The following TIAM2 variants were observed in gnomAD, a reference collection of about 807,000 sequenced individuals.
The protein encoded by TIAM2 is TIAM Rac1 associated GEF 2.
Under a neutral mutation model 152.9 loss-of-function variants are expected in TIAM2, and 80 were observed. The ratio of observed to expected loss-of-function variants is 0.52; its 90% CI spans 0.44 to 0.63. The LOEUF (loss-of-function observed/expected upper bound fraction) is 0.63, where lower values mean the gene tolerates loss of function less well. TIAM2 is among the 30% of genes least tolerant of loss of function. The probability of loss-of-function intolerance (pLI) is 0.00; values close to 1 mark genes in which losing one functional copy is unlikely to be tolerated. For synonymous variants in TIAM2, 804 were observed against 838.0 expected (o/e 0.96, Z 0.70); for missense variants, 1,965 against 2,120.1 (o/e 0.93, Z 1.44).
chr6:155,208,567 T>C (rs764229411), intron 14 of TIAM2, among the ~76,000 whole-genome samples: 18 of 152,168 alleles, frequency 1.2e-4, no homozygotes, highest in Admixed American at 7.9e-4. Context: ...TGTCTCAGAC[T>C]CAGCATTGCA....
intron 15 of TIAM2, among the ~76,000 whole-genome samples, chr6:155,236,831 C>G (rs1416126533): frequency 1.3e-5 from 2 of 152,222 alleles, no homozygotes; most frequent in Non-Finnish European, 2.9e-5. Flanking sequence ...TCATCTCCCA[C>G]TGGGCCCCTC....
chr6:155,129,247 C>T lies in TIAM2; in HGVS notation c.24C>T (p.Tyr8=), dbSNP rs763597343. 3.2e-5 allele frequency: 51 copies of T among 1,613,812 alleles called. No homozygotes were observed. The highest frequency in any genetic ancestry group is 1.4e-5 in the Non-Finnish European group (16 of 1,179,842). Reference sequence around the variant, plus strand: ...AAATGGGCAACTCCGACAGTCAGTACACCCTTCAAGGATCTAAAAATCATA... The same window carrying T: ...AAATGGGCAACTCCGACAGTCAGTATACCCTTCAAGGATCTAAAAATCATA... MGNSDSQ[Y]TLQGSKNHSN... Residue 8 remains tyrosine, a synonymous_variant, in exon 4 of 27, where the codon TAC becomes TAT. Transcript: ENST00000682666. This position sits in a 1 kb window ranked among gnomAD's most constrained non-coding sequence, Gnocchi z 4.8.
At chr6:155,190,956 C>A (rs1382906684) in intron 14 of TIAM2, among the ~76,000 whole-genome samples, 1 of 152,122 alleles carries the variant, frequency 6.6e-6, no homozygotes, top group Non-Finnish European at 1.5e-5. Context: ...AAAATGAATT[C>A]TATTTCTCAC....
rs145725090 is a variant in TIAM2, at chr6:155,057,949, A to G, written c.-208-32340A>G. 3.2e-3 allele frequency among the ~76,000 whole-genome samples: 480 copies of G among 152,214 alleles called. 2 individuals carry two copies. Among genetic ancestry groups the G allele is most frequent in the African/African-American group, 0.011 (442 of 41,524 alleles). ...TGTTCTCCATTTACTTATCTGTTCA[A>G]TCCTTAATATCAAGATGGATTCATG... On this transcript the variant is annotated intron_variant, in intron 1 of 26. Coordinates refer to ENST00000682666, the MANE Select transcript of TIAM2 (RefSeq NM_012454.4).
chr6:155,150,864 C>T (rs956813461), intron 7 of TIAM2, among the ~76,000 whole-genome samples: 9 of 152,100 alleles, frequency 5.9e-5, no homozygotes, highest in African/African-American at 9.7e-5. Flanking sequence ...TTATGACTGT[C>T]GTGCGCAGTG....
At chr6:155,003,179 C>G (rs533095029) in intron 1 of TIAM2, among the ~76,000 whole-genome samples, 1 of 152,242 alleles carries the variant, frequency 6.6e-6, no homozygotes, top group African/African-American at 2.4e-5. Flanking sequence ...TTATCAATAA[C>G]AAAGTGCTGA....
intron 1 of TIAM2, among the ~76,000 whole-genome samples, chr6:155,073,894 C>T (rs1777898013): frequency 6.6e-6 from 1 of 152,136 alleles, no homozygotes; most frequent in Non-Finnish European, 1.5e-5. Flanking sequence ...AAAGATCTTT[C>T]AGACATTGGT....
intron 1 of TIAM2, among the ~76,000 whole-genome samples, chr6:155,025,284 C>T (rs1020845953): frequency 5.3e-5 from 8 of 151,726 alleles, no homozygotes; most frequent in African/African-American, 1.5e-4. Flanking sequence ...AGCTCTGCCT[C>T]CCGGGTTCAC....
chr6:155,113,087 G>A (rs1583196671), intron 2 of TIAM2, among the ~76,000 whole-genome samples: 1 of 151,952 alleles, frequency 6.6e-6, no homozygotes, highest in Non-Finnish European at 1.5e-5. Context: ...TTTTTCTCAA[G>A]GTGAAAGCCA....
intron 14 of TIAM2, among the ~76,000 whole-genome samples, chr6:155,198,388 C>A (rs534264971): frequency 1.3e-5 from 2 of 152,146 alleles, no homozygotes; most frequent in African/African-American, 2.4e-5. Flanking sequence ...TGAGGCCGGG[C>A]GTGGTGGCTC....
chr6:155,190,074 G>A (rs988151969), intron 14 of TIAM2, among the ~76,000 whole-genome samples: 9 of 152,314 alleles, frequency 5.9e-5, no homozygotes, highest in South Asian at 2.1e-4. Flanking sequence ...ATAACGTATC[G>A]TTGCATGTAT....
intron 9 of TIAM2, among the ~76,000 whole-genome samples, chr6:155,176,273 G>T (rs940076721): frequency 5.9e-5 from 9 of 152,158 alleles, no homozygotes; most frequent in Non-Finnish European, 1.2e-4. Context: ...TTACTCTGTT[G>T]CCCAGGCTGG....
chr6:155,160,888 A>T (rs1780251859), intron 7 of TIAM2, among the ~76,000 whole-genome samples: 1 of 152,236 alleles, frequency 6.6e-6, no homozygotes, highest in Admixed American at 6.5e-5. Flanking sequence ...TTTCTACTAA[A>T]TTAAATTTTA....
chr6:155,253,642 C>T (rs1783812624), intron 24 of TIAM2: 1 of 222,094 alleles, frequency 4.5e-6, no homozygotes, highest in Non-Finnish European at 8.8e-6. Context: ...TACCCCAGCT[C>T]CTGTTCCTTC....
intron 1 of TIAM2, among the ~76,000 whole-genome samples, chr6:154,997,055 A>G (rs1201439038): frequency 1.3e-5 from 2 of 152,096 alleles, no homozygotes; most frequent in Admixed American, 6.5e-5. Context: ...AGTTCCATCT[A>G]CTGACTTTCC....
chr6:155,185,932 C>T (rs1399681705), intron 14 of TIAM2, among the ~76,000 whole-genome samples: 1 of 152,216 alleles, frequency 6.6e-6, no homozygotes. Flanking sequence ...ACTCCTTCCC[C>T]AGACACCACA....
At chr6:155,086,532 C>A (rs1460939492) in intron 1 of TIAM2, among the ~76,000 whole-genome samples, 1 of 151,944 alleles carries the variant, frequency 6.6e-6, no homozygotes, top group Non-Finnish European at 1.5e-5. Flanking sequence ...CATGGCAAAA[C>A]CCCATCTCTA....
chr6:155,051,066 G>A (rs1275164201), intron 1 of TIAM2, among the ~76,000 whole-genome samples: 1 of 152,186 alleles, frequency 6.6e-6, no homozygotes, highest in Non-Finnish European at 1.5e-5. Context: ...GCCCTGACTG[G>A]TACCTAGTGG....
intron 2 of TIAM2, among the ~76,000 whole-genome samples, chr6:155,113,494 G>T (rs1242455588): frequency 6.6e-6 from 1 of 152,232 alleles, no homozygotes; most frequent in South Asian, 2.1e-4. Flanking sequence ...GCTGAGGCCG[G>T]CAGATCACTT....
Sources: allele counts gnomAD v4.1 joint callset (sites outside exome capture counted in the v4.1 genomes callset), GRCh38; gene constraint gnomAD v4.1.1; non-coding constraint Gnocchi (gnomAD v3.1); transcripts MANE v1.5; gene names NCBI Gene and HGNC (gene_info 2026-07-23, HGNC 2026-07-21).